The following NFIB variants were observed in gnomAD, a reference collection of about 807,000 sequenced individuals.
NFIB encodes nuclear factor 1 B-type.
NFIB carries 11 observed loss-of-function variants against 61.5 expected under a neutral mutation model. The ratio of observed to expected loss-of-function variants is 0.18; its 90% CI spans 0.11 to 0.30. NFIB has a LOEUF of 0.30. Ranked by LOEUF, NFIB falls within the 10% of genes least tolerant of loss-of-function variation. NFIB has a pLI of 1.00. For missense variants in NFIB, 471 were observed against 608.9 expected (o/e 0.77, Z 2.38); for synonymous variants, 260 against 216.5 (o/e 1.20, Z -1.76).
chr9:14,251,255 T>A (rs1459014234), intron 2 of NFIB, among the ~76,000 whole-genome samples: 1 of 152,172 alleles, frequency 6.6e-6, no homozygotes, highest in East Asian at 1.9e-4. Context: ...CAAGCTTTCA[T>A]CTGATTGCAT....
chr9:14,357,967 T>C (rs1464206646), intron 1 of NFIB: 4 of 152,172 alleles, frequency 2.6e-5, no homozygotes, highest in African/African-American at 9.7e-5. Flanking sequence ...ACTAGACTAG[T>C]GATTGGCTAG....
chr9:14,204,889 G>T, intron 2 of NFIB: 1 of 363,028 alleles, frequency 2.8e-6, no homozygotes, highest in Non-Finnish European at 5.2e-6. Context: ...AAGGGGCTTT[G>T]GTTAAGCTGG....
At chr9:14,335,614 A>G (rs997026659) in intron 1 of NFIB, among the ~76,000 whole-genome samples, 2 of 152,116 alleles carry the variant, frequency 1.3e-5, no homozygotes, top group Admixed American at 1.3e-4. Flanking sequence ...TTGATTTGCA[A>G]TATTTTCTGC....
At chr9:14,297,682 G>T (rs952909884) in intron 2 of NFIB, among the ~76,000 whole-genome samples, 1 of 152,092 alleles carries the variant, frequency 6.6e-6, no homozygotes, top group Non-Finnish European at 1.5e-5. Flanking sequence ...TAAACAGTAC[G>T]CAACACGCAA....
intron 1 of NFIB, among the ~76,000 whole-genome samples, chr9:14,340,488 C>G (rs1190419154): frequency 6.6e-6 from 1 of 152,200 alleles, no homozygotes; most frequent in Non-Finnish European, 1.5e-5. Context: ...CTTTTTAAAG[C>G]TCCCCAGATG....
At chr9:14,408,469 C>A in the NFIB span, among the ~76,000 whole-genome samples, 1 of 152,064 alleles carries the variant, frequency 6.6e-6, no homozygotes, top group South Asian at 2.1e-4. Flanking sequence ...GCCATCACAC[C>A]CAAGTTTCAG....
chr9:14,421,550 T>C, the NFIB span, among the ~76,000 whole-genome samples: 55 of 152,334 alleles, frequency 3.6e-4, no homozygotes, highest in Admixed American at 8.5e-4. Flanking sequence ...ACTCTTCCAT[T>C]GAGAAAGATA....
chr9:14,456,143 G>C, the NFIB span, among the ~76,000 whole-genome samples: 28 of 151,440 alleles, frequency 1.8e-4, no homozygotes, highest in Non-Finnish European at 3.8e-4. Flanking sequence ...ATCAAATATT[G>C]GTGATTTCAT....
At chr9:14,308,859 T>C (rs1416322553) in intron 1 of NFIB, among the ~76,000 whole-genome samples, 1 of 152,220 alleles carries the variant, frequency 6.6e-6, no homozygotes, top group African/African-American at 2.4e-5. Flanking sequence ...TACCTACAGA[T>C]ATTTCAAGTT....
At chr9:14,474,584 T>C in the NFIB span, among the ~76,000 whole-genome samples, 2 of 152,302 alleles carry the variant, frequency 1.3e-5, no homozygotes, top group African/African-American at 2.4e-5. Context: ...CAAAGTCTCA[T>C]CTAAATATTG....
intron 7 of NFIB, among the ~76,000 whole-genome samples, chr9:14,121,195 C>T (rs867091156): frequency 2.0e-5 from 3 of 152,184 alleles, no homozygotes; most frequent in African/African-American, 7.2e-5. Flanking sequence ...ATCCAGTAGA[C>T]GGAGGTTGCA....
At position 14,334,338 on chromosome 9, in the gene NFIB, A is replaced by G. The variant is rs537981731; in HGVS notation, c.109-26818T>C. ...AGTAATTTATACTCCCACCAGCAGT[A>G]TATCAGTTTTAATTGCTTCACATCT... On this transcript the variant is annotated intron_variant, in intron 1 of 8. Coordinates refer to the NFIB transcript ENST00000380934. Among the ~76,000 whole-genome samples, 15 of 152,334 alleles carry G rather than the reference A, an allele frequency of 9.8e-5. No individual in the cohort carries two copies. The South Asian group carries it at 2.7e-3, about 27-fold the overall frequency.
intron 2 of NFIB, among the ~76,000 whole-genome samples, chr9:14,266,722 T>TCCTC (rs1483033253): frequency 2.0e-5 from 3 of 152,110 alleles, no homozygotes; most frequent in Non-Finnish European, 4.4e-5. Context: ...CATCTTCCCC[T>TCCTC]CCTCCCTCTC....
At chr9:14,177,010 G>C (rs2046263028) in intron 3 of NFIB, among the ~76,000 whole-genome samples, 1 of 152,222 alleles carries the variant, frequency 6.6e-6, no homozygotes, top group South Asian at 2.1e-4. Flanking sequence ...ACATCTCCCA[G>C]TGGAAAACTA....
the NFIB span, among the ~76,000 whole-genome samples, chr9:14,506,668 T>C: frequency 3.9e-5 from 6 of 152,184 alleles, no homozygotes; most frequent in Admixed American, 1.3e-4. Flanking sequence ...GCCTCACCTT[T>C]CCTTTTTCTC....
the NFIB span, among the ~76,000 whole-genome samples, chr9:14,513,958 A>G: frequency 6.6e-5 from 10 of 152,200 alleles, no homozygotes; most frequent in Non-Finnish European, 1.5e-4. Context: ...CTATGATGCT[A>G]CTTTTTATTT....
intron 2 of NFIB, among the ~76,000 whole-genome samples, chr9:14,193,515 T>A (rs2048169323): frequency 6.6e-6 from 1 of 152,160 alleles, no homozygotes; most frequent in Non-Finnish European, 1.5e-5. Context: ...GAGAAATGAC[T>A]TCAACATTAC....
At chr9:14,524,295 C>A in the NFIB span, among the ~76,000 whole-genome samples, 1 of 152,084 alleles carries the variant, frequency 6.6e-6, no homozygotes, top group Non-Finnish European at 1.5e-5. Context: ...AACATTCATA[C>A]CTATAGCATA....
chr9:14,382,460 G>C (rs954718804), intron 1 of NFIB, among the ~76,000 whole-genome samples: 2 of 152,160 alleles, frequency 1.3e-5, no homozygotes, highest in Non-Finnish European at 2.9e-5. Context: ...AGTAAGTACT[G>C]TTGCAGTGTC....
Sources: gnomAD v4.1 joint callset for allele counts (sites outside exome capture counted in the v4.1 genomes callset) on GRCh38, gnomAD v4.1.1 for gene constraint, MANE v1.5 for transcripts, NCBI Gene and HGNC (gene_info 2026-07-23, HGNC 2026-07-21) for gene names.